Variants in ZNF668 observed in about 807,000 individuals in gnomAD.
The protein encoded by ZNF668 is zinc finger protein 668.
A neutral mutation model predicts 40.3 loss-of-function variants in ZNF668; 10 were observed. That is an observed-to-expected ratio of 0.25 (90% CI 0.15 to 0.42). The LOEUF (loss-of-function observed/expected upper bound fraction) is 0.42, where lower values mean the gene tolerates loss of function less well. Among genes scored for constraint, ZNF668 ranks in the 10% least tolerant of loss-of-function variants. The pLI, the probability that ZNF668 is intolerant of heterozygous loss-of-function variation, is 1.00. For synonymous variants in ZNF668, 428 were observed against 384.6 expected, an observed-to-expected ratio of 1.11 and a Z score of -1.32; for missense variants, 749 against 904.6, an observed-to-expected ratio of 0.83 and a Z score of 2.21.
chr16:31,063,454 G>A (rs2056951431), intron 2 of ZNF668, among the ~76,000 whole-genome samples: 1 of 135,390 alleles, frequency 7.4e-6, no homozygotes, highest in African/African-American at 2.8e-5. Flanking sequence ...TTAATGTAGA[G>A]GCTGAGAAAA....
rs2056916284 is a variant in ZNF668, at chr16:31,061,018, C to T, written c.*50G>A. 2.1e-6 allele frequency: 3 copies of T among 1,425,464 alleles called. No homozygotes were observed. The highest frequency in any genetic ancestry group is 2.6e-5 in the East Asian group (1 of 39,080). The allele number at this position is 1,425,464 out of a possible 1,614,324, so 88.3% of individuals were successfully genotyped here. ...CCAGGCAAAAGGAGGTACAGGAAGCCCCCGATGGGGGCTGGGCTCCCGGAG... is the reference window on the plus strand; with the variant it reads ...CCAGGCAAAAGGAGGTACAGGAAGCTCCCGATGGGGGCTGGGCTCCCGGAG... On this transcript the variant is annotated 3_prime_UTR_variant, in exon 3 of 3. Coordinates refer to ENST00000300849, the MANE Select transcript of ZNF668 (RefSeq NM_024706.5). This position sits in a 1 kb window ranked among gnomAD's most constrained non-coding sequence, Gnocchi z 7.7.
At chr16:31,065,311 A>G (rs1352967489) in intron 1 of ZNF668, among the ~76,000 whole-genome samples, 1 of 152,218 alleles carries the variant, frequency 6.6e-6, no homozygotes, top group Non-Finnish European at 1.5e-5. Flanking sequence ...CCTGGGGATC[A>G]TGGTTGGGAG....
rs1200758340 is a variant in ZNF668, at chr16:31,061,164, G to A, written c.1764C>T (p.Arg588=). 1.1e-5 allele frequency: 17 copies of A among 1,518,456 alleles called. No individual in the cohort carries two copies. The highest frequency in any genetic ancestry group is 9.1e-5 in the East Asian group (4 of 43,938). 94.1% of individuals were successfully genotyped at this position (1,518,456 alleles called of 1,614,324 possible). A position where few individuals can be genotyped will look rare whatever the true frequency, so the allele number is the denominator to read the frequency against. ...GCACAGGGTGGGTGCGTTCATGCTT[G>A]CGCAAGTCGCTGGCACTCAAGAAGG... ...PKAFLSASDL[R]KHERTHPVPM... The change falls in exon 3 of 3, where the codon CGC becomes CGT. Residue 588 remains arginine (R), a synonymous_variant. Transcript: ENST00000300849. The surrounding 1 kb of genome is among the most constrained non-coding windows in gnomAD (Gnocchi z 7.7).
intron 1 of ZNF668, among the ~76,000 whole-genome samples, chr16:31,068,236 AAAAAT>A (rs1374916319): frequency 1.1e-5 from 1 of 91,422 alleles, no homozygotes; most frequent in Non-Finnish European, 2.1e-5. Context: ...AAAAAAAAAA[AAAAAT>A]ATATATATAT....
Position 31,061,397 on chromosome 16 carries a change from C to A in ZNF668, c.1531G>T (p.Glu511Ter), listed in dbSNP as rs1331091014. The A allele has an allele frequency of 6.2e-7, 1 of 1,613,698 alleles. No homozygotes were observed. Among genetic ancestry groups the A allele is most frequent in the South Asian group, 1.1e-5 (1 of 91,068 alleles). ...CGGCACACAAACTGGGGGGGCTTCT[C>A]GTCAGCCTCCTCACCCCCCGCCTCG... is the stretch of plus-strand genomic sequence containing the variant. ...AGEAGGEEAD[E>*]KPPQFVCREC... The change falls in exon 3 of 3, where the codon GAG (glutamate) becomes TAG (stop). Residue 511 changes from glutamate to a stop codon, truncating the protein, a stop_gained. Transcript: ENST00000300849. LOFTEE classifies it high-confidence loss of function. The surrounding 1 kb of genome is among the most constrained non-coding windows in gnomAD (Gnocchi z 7.7).
chr16:31,069,875 T>C (rs1181434342), intron 1 of ZNF668, among the ~76,000 whole-genome samples: 4 of 104,970 alleles, frequency 3.8e-5, no homozygotes, highest in Admixed American at 9.7e-5. Context: ...CCCGGGTTCA[T>C]GCCATTCTCC....
intron 1 of ZNF668, chr16:31,065,996 C>T: frequency 4.1e-6 from 4 of 984,280 alleles, no homozygotes; most frequent in Non-Finnish European, 4.8e-6. Context: ...CTCAGGGCCC[C>T]TTATGCCAGG....
intron 1 of ZNF668, among the ~76,000 whole-genome samples, chr16:31,068,489 TG>T (rs1458357380): frequency 2.7e-5 from 4 of 150,108 alleles, no homozygotes; most frequent in African/African-American, 9.8e-5. Context: ...CCCAAAGTGC[TG>T]GGATTACAGG....
rs72785529 is a variant in ZNF668, at chr16:31,074,158, G to A, written c.-522C>T. On this transcript the variant is annotated 5_prime_UTR_variant, in exon 1 of 3. Coordinates refer to ENST00000300849, the MANE Select transcript of ZNF668 (RefSeq NM_024706.5). ...AGTGTCACCAAAGTACTGTGGCCAG[G>A]GCTGTAGAATCTTTTTCTCCCTTTC... 1 of 152,340 alleles carries A rather than the reference G, an allele frequency of 6.6e-6. No homozygotes were observed. The highest frequency in any genetic ancestry group is 1.5e-5 in the Non-Finnish European group (1 of 68,044). The allele number at this position is 152,340 out of a possible 1,614,324, so 9.4% of individuals were successfully genotyped here. A position where few individuals can be genotyped will look rare whatever the true frequency, so the allele number is the denominator to read the frequency against.
At chr16:31,073,140 G>C (rs1195692842) in intron 1 of ZNF668, 1 of 152,382 alleles carries the variant, frequency 6.6e-6, no homozygotes, top group African/African-American at 2.4e-5. Flanking sequence ...TGGAGGGCAG[G>C]ACCCCGGTTA....
chr16:31,064,511 C>T, intron 1 of ZNF668, 30 bp from the exon 2 acceptor site: 1 of 1,600,618 alleles, frequency 6.2e-7, no homozygotes, highest in Non-Finnish European at 8.5e-7. Flanking sequence ...AGACCAAAGC[C>T]ACATACCTTC....
Position 31,060,953 on chromosome 16 carries a change from A to T in ZNF668, c.*115T>A, listed in dbSNP as rs2056915696. On this transcript the variant is annotated 3_prime_UTR_variant, in exon 3 of 3. Coordinates refer to ENST00000300849, the MANE Select transcript of ZNF668 (RefSeq NM_024706.5). ...CTCTTAGCTGGCCGACAGGGGAGCTAGTTGCTGAGGGGTAGGGATCTGGAG... is the reference window on the plus strand; with the variant it reads ...CTCTTAGCTGGCCGACAGGGGAGCTTGTTGCTGAGGGGTAGGGATCTGGAG... 8.0e-7 allele frequency: 1 copy of T among 1,242,282 alleles called. No individual in the cohort carries two copies. Among genetic ancestry groups the T allele is most frequent in the Non-Finnish European group, 1.1e-6 (1 of 950,742 alleles). The allele number at this position is 1,242,282 out of a possible 1,614,324, so 77.0% of individuals were successfully genotyped here.
intron 1 of ZNF668, among the ~76,000 whole-genome samples, chr16:31,069,805 C>G (rs1298576784): frequency 1.0e-5 from 1 of 97,370 alleles, no homozygotes; most frequent in East Asian, 3.1e-4. Context: ...GACGGAGTCT[C>G]ACTCCGTCAC....
intron 1 of ZNF668, among the ~76,000 whole-genome samples, chr16:31,065,344 T>C (rs749902946): frequency 1.2e-4 from 18 of 152,188 alleles, no homozygotes; most frequent in Non-Finnish European, 2.1e-4. Flanking sequence ...ATGGCTGTAT[T>C]AGTCTTAACA....
chr16:31,060,944 A>C lies in ZNF668; in HGVS notation c.*124T>G. On this transcript the variant is annotated 3_prime_UTR_variant, in exon 3 of 3. Coordinates refer to ENST00000300849, the MANE Select transcript of ZNF668 (RefSeq NM_024706.5). ...GTCCCAGCTCTCTTAGCTGGCCGAC[A>C]GGGGAGCTAGTTGCTGAGGGGTAGG... 2 of 1,210,208 alleles carry C rather than the reference A, an allele frequency of 1.7e-6. No homozygotes were observed. Among genetic ancestry groups the C allele is most frequent in the Non-Finnish European group, 2.2e-6 (2 of 922,004 alleles). The allele number at this position is 1,210,208 out of a possible 1,614,324, so 75.0% of individuals were successfully genotyped here.
chr16:31,064,849 T>C (rs1231691248), intron 1 of ZNF668: 2 of 1,439,060 alleles, frequency 1.4e-6, no homozygotes, highest in Non-Finnish European at 1.8e-6. Flanking sequence ...GGATAAAGAG[T>C]GTACCCAGAC....
chr16:31,066,845 CT>C (rs1443445674), intron 1 of ZNF668, among the ~76,000 whole-genome samples: 5 of 152,188 alleles, frequency 3.3e-5, no homozygotes, highest in Non-Finnish European at 7.3e-5. Flanking sequence ...CTCACTACCT[CT>C]TCCAGACGGT....
intron 2 of ZNF668, among the ~76,000 whole-genome samples, chr16:31,063,157 C>CT (rs1481507161): frequency 3.3e-5 from 5 of 151,980 alleles, no homozygotes; most frequent in South Asian, 2.1e-4. Context: ...TGTCCTCCGC[C>CT]TTTTTTTTCC....
intron 1 of ZNF668, chr16:31,065,093 ACT>A (rs2056971600): frequency 7.8e-6 from 8 of 1,021,884 alleles, no homozygotes; most frequent in African/African-American, 1.7e-5. Context: ...GAATCTGTCC[ACT>A]CTCTGCTCTG....
Sources: allele counts gnomAD v4.1 joint callset (sites outside exome capture counted in the v4.1 genomes callset), GRCh38; gene constraint gnomAD v4.1.1; non-coding constraint Gnocchi (gnomAD v3.1); transcripts MANE v1.5; gene names NCBI Gene and HGNC (gene_info 2026-07-23, HGNC 2026-07-21).